The following GALNT17 variants were observed in gnomAD, a reference collection of about 807,000 sequenced individuals.
The protein encoded by GALNT17 is polypeptide N-acetylgalactosaminyltransferase 17, also known as UDP-GalNAc:polypeptide N-acetylgalactosaminyltransferase-like 3.
Under a neutral mutation model 63.7 loss-of-function variants are expected in GALNT17, and 29 were observed. The observed-to-expected ratio is 0.46, with a 90% CI of 0.34 to 0.62. The LOEUF (loss-of-function observed/expected upper bound fraction) is 0.62, where lower values mean the gene tolerates loss of function less well. GALNT17 is among the 20% of genes least tolerant of loss of function. The pLI, the probability that GALNT17 is intolerant of heterozygous loss-of-function variation, is 0.01. For synonymous variants in GALNT17, 305 were observed against 318.3 expected (o/e 0.96, Z 0.45); for missense variants, 603 against 799.6 (o/e 0.75, Z 2.97).
At chr7:71,292,856 C>G (rs1195999794) in intron 1 of GALNT17, among the ~76,000 whole-genome samples, 2 of 152,072 alleles carry the variant, frequency 1.3e-5, no homozygotes, top group African/African-American at 2.4e-5. Flanking sequence ...CCAAATCACC[C>G]CATTCTTCCC....
chr7:71,408,422 C>T (rs1249814920), intron 3 of GALNT17, among the ~76,000 whole-genome samples: 1 of 152,066 alleles, frequency 6.6e-6, no homozygotes, highest in African/African-American at 2.4e-5. Context: ...TTGATGGTGT[C>T]AGAAGGAGTG....
intron 6 of GALNT17, among the ~76,000 whole-genome samples, chr7:71,616,259 T>C (rs1790200622): frequency 6.6e-6 from 1 of 151,870 alleles, no homozygotes; most frequent in Admixed American, 6.6e-5. Context: ...GAAGCTGAAC[T>C]TGAAGACAAG....
chr7:71,163,278 A>G (rs537022398), intron 1 of GALNT17, among the ~76,000 whole-genome samples: 121 of 152,332 alleles, frequency 7.9e-4, no homozygotes, highest in African/African-American at 2.8e-3. Flanking sequence ...TCTGATGCTT[A>G]TTAAACAACC....
chr7:71,206,984 T>C (rs1455417689), intron 1 of GALNT17, among the ~76,000 whole-genome samples: 2 of 152,118 alleles, frequency 1.3e-5, no homozygotes, highest in Non-Finnish European at 2.9e-5. Context: ...TAAGTGCCTG[T>C]AGTCCCAGCT....
intron 1 of GALNT17, among the ~76,000 whole-genome samples, chr7:71,282,548 A>G (rs1790796073): frequency 6.6e-6 from 1 of 152,220 alleles, no homozygotes; most frequent in South Asian, 2.1e-4. Context: ...CTGCCTGTTT[A>G]GACAACCAGT....
chr7:71,273,407 T>G (rs1430265334), intron 1 of GALNT17, among the ~76,000 whole-genome samples: 1 of 152,236 alleles, frequency 6.6e-6, no homozygotes, highest in African/African-American at 2.4e-5. Context: ...ACAGGAGAAA[T>G]GGAAGATAAT....
intron 5 of GALNT17, among the ~76,000 whole-genome samples, chr7:71,483,864 A>C (rs1378176019): frequency 6.6e-6 from 1 of 152,040 alleles, no homozygotes; most frequent in African/African-American, 2.4e-5. Flanking sequence ...AACTTTTTCC[A>C]ACTAATTTTT....
At chr7:71,302,322 G>A (rs1394104137) in intron 1 of GALNT17, among the ~76,000 whole-genome samples, 2 of 152,136 alleles carry the variant, frequency 1.3e-5, no homozygotes, top group Non-Finnish European at 2.9e-5. Context: ...TAACAAACCT[G>A]CACATCCTGT....
chr7:71,628,069 G>GA (rs1345438389), intron 6 of GALNT17, among the ~76,000 whole-genome samples: 6 of 66,516 alleles, frequency 9.0e-5, no homozygotes, highest in Non-Finnish European at 4.2e-5. Context: ...GGGGATCTCA[G>GA]GGGGAAAAAA....
At chr7:71,341,544 A>G (rs1428205990) in intron 2 of GALNT17, among the ~76,000 whole-genome samples, 1 of 152,216 alleles carries the variant, frequency 6.6e-6, no homozygotes, top group Non-Finnish European at 1.5e-5. Context: ...AAGTCCTGAA[A>G]GCTTTCAGAG....
intron 7 of GALNT17, among the ~76,000 whole-genome samples, chr7:71,668,815 T>A (rs1190016554): frequency 6.6e-6 from 1 of 152,136 alleles, no homozygotes; most frequent in African/African-American, 2.4e-5. Flanking sequence ...CCATTATGGG[T>A]TCATTTCTGT....
chr7:71,492,975 C>G (rs1788035282), intron 5 of GALNT17, among the ~76,000 whole-genome samples: 1 of 152,126 alleles, frequency 6.6e-6, no homozygotes, highest in Admixed American at 6.5e-5. Context: ...CCTTAGATTT[C>G]TACTTGTATT....
intron 9 of GALNT17, among the ~76,000 whole-genome samples, chr7:71,684,101 A>T (rs1791313072): frequency 6.6e-6 from 1 of 151,802 alleles, no homozygotes; most frequent in East Asian, 1.9e-4. Flanking sequence ...GTTCTTGTCT[A>T]AGGAGACCCA....
intron 5 of GALNT17, among the ~76,000 whole-genome samples, chr7:71,485,803 A>G (rs1563128404): frequency 6.6e-6 from 1 of 152,172 alleles, no homozygotes; most frequent in Non-Finnish European, 1.5e-5. Context: ...TCTGAAATCC[A>G]TCAGTCTGAA....
chr7:71,382,665 G>A (rs145738761), intron 2 of GALNT17, among the ~76,000 whole-genome samples: 14 of 152,216 alleles, frequency 9.2e-5, no homozygotes, highest in African/African-American at 3.4e-4. Flanking sequence ...AGGAAGGAGA[G>A]GTTGCAGTGA....
chr7:71,337,086 A>G (rs897287613), intron 2 of GALNT17, among the ~76,000 whole-genome samples: 2 of 152,118 alleles, frequency 1.3e-5, no homozygotes, highest in African/African-American at 4.8e-5. Flanking sequence ...TCTAAAAAAA[A>G]ATCACCATGA....
chr7:71,470,859 C>G (rs1352323337), intron 5 of GALNT17, among the ~76,000 whole-genome samples: 3 of 152,006 alleles, frequency 2.0e-5, no homozygotes, highest in Non-Finnish European at 4.4e-5. Context: ...CTTTTTCATG[C>G]AAATTCATTA....
chr7:71,534,162 G>C (rs1788763965), intron 5 of GALNT17, among the ~76,000 whole-genome samples: 1 of 152,126 alleles, frequency 6.6e-6, no homozygotes, highest in South Asian at 2.1e-4. Flanking sequence ...AAAGGAAAGA[G>C]GCTTAATTGA....
Position 71,232,249 on chromosome 7 carries a change from T to C in GALNT17, c.238+99209T>C, listed in dbSNP as rs923345593. ...GCCTACACATTTCTGTCCTTAGATT[T>C]CTTGTTCTTTCTTTCTGTAATTACT... is the stretch of plus-strand genomic sequence containing the variant. On this transcript the variant is annotated intron_variant, in intron 1 of 10. Coordinates refer to ENST00000333538, the MANE Select transcript of GALNT17 (RefSeq NM_022479.3). Among the ~76,000 whole-genome samples, 116 of 152,180 alleles carry C rather than the reference T, an allele frequency of 7.6e-4. 2 individuals carry two copies. Among genetic ancestry groups the C allele is most frequent in the Non-Finnish European group, 3.8e-4 (26 of 68,038 alleles).
Sources: allele counts gnomAD v4.1 joint callset (sites outside exome capture counted in the v4.1 genomes callset), GRCh38; gene constraint gnomAD v4.1.1; transcripts MANE v1.5; gene names NCBI Gene and HGNC (gene_info 2026-07-23, HGNC 2026-07-21).